CCDC66: variants seen among roughly 807,000 people sequenced by gnomAD.
CCDC66 encodes coiled-coil domain containing 66.
A neutral mutation model predicts 128.3 loss-of-function variants in CCDC66; 133 were observed. That is an observed-to-expected ratio of 1.04 (90% CI 0.90 to 1.20). The LOEUF (loss-of-function observed/expected upper bound fraction) is 1.20, where lower values mean the gene tolerates loss of function less well. CCDC66 is among the 50% of genes most tolerant of loss of function. The probability of loss-of-function intolerance (pLI) is 0.00; values close to 1 mark genes in which losing one functional copy is unlikely to be tolerated. For synonymous variants in CCDC66, 387 were observed against 357.0 expected (o/e 1.08, Z -0.95); for missense variants, 1,126 against 1,075.5 (o/e 1.05, Z -0.66).
chr3:56,604,315 C>T (rs1402388751), intron 10 of CCDC66, among the ~76,000 whole-genome samples: 3 of 151,968 alleles, frequency 2.0e-5, no homozygotes, highest in Admixed American at 2.0e-4. Context: ...TTGATCCTGT[C>T]ATTATGATGC....
At chr3:56,582,535 C>T (rs1324129006) in intron 7 of CCDC66, among the ~76,000 whole-genome samples, 16 of 151,548 alleles carry the variant, frequency 1.1e-4, no homozygotes, top group Non-Finnish European at 1.6e-4. Context: ...GAACCTCCTC[C>T]GGAATTTTTT....
In CCDC66 at chr3:56,563,872, A is replaced by G; in HGVS notation, c.291A>G (p.Lys97=). The change falls in exon 4 of 18, where the codon AAA becomes AAG. Residue 97 remains lysine, a synonymous_variant. Transcript: ENST00000394672. ...MTFSSTKDLC[K]QCIDKDCLHI... The stretch of plus-strand genomic sequence containing the variant: ...TTTCATCCACTAAGGATTTATGTAA[A>G]CAATGTATAGATAAAGACTGTCTTC... 6.2e-7 allele frequency: 1 copy of G among 1,603,796 alleles called. No individual in the cohort carries two copies. The highest frequency in any genetic ancestry group is 8.5e-7 in the Non-Finnish European group (1 of 1,174,036).
chr3:56,621,615 T>C lies in CCDC66; in HGVS notation c.2844T>C (p.Phe948=). 6.3e-7 allele frequency: 1 copy of C among 1,594,216 alleles called. No homozygotes were observed. The highest frequency in any genetic ancestry group is 8.5e-7 in the Non-Finnish European group (1 of 1,169,696). Reference sequence around the variant, plus strand: ...AAGAAGAGAGTTTTGGTTCTTCATTTTAAATGTAGAAAATCAAATCCTTCA... The same window carrying C: ...AAGAAGAGAGTTTTGGTTCTTCATTCTAAATGTAGAAAATCAAATCCTTCA... ...ENQEESFGSS[F] is the part of the protein sequence containing the mutation. The change falls in exon 18 of 18, where the codon TTT becomes TTC. Residue 948 remains phenylalanine (F), a synonymous_variant. Transcript: ENST00000394672.
intron 10 of CCDC66, among the ~76,000 whole-genome samples, chr3:56,608,448 A>G (rs529986281): frequency 1.3e-5 from 2 of 152,016 alleles, no homozygotes; most frequent in Non-Finnish European, 1.5e-5. Flanking sequence ...GATCTTTTGT[A>G]TTTCAGTGGT....
chr3:56,600,474 A>C (rs1196310711), intron 10 of CCDC66, among the ~76,000 whole-genome samples: 1 of 152,114 alleles, frequency 6.6e-6, no homozygotes, highest in South Asian at 2.1e-4. Flanking sequence ...AGAATGATTT[A>C]TAATCCCTTC....
In CCDC66 at chr3:56,613,767, T is replaced by C; in HGVS notation, c.1566+17T>C. ...CAAAAGGAAGTAGGTACTTACATTC[T>C]AATTGTAACTTTGGTTTTTGTTTGT... On this transcript the variant is annotated intron_variant, in intron 11 of 17. Coordinates refer to ENST00000394672, the MANE Select transcript of CCDC66 (RefSeq NM_001141947.3). 1 of 1,592,692 alleles carries C rather than the reference T, an allele frequency of 6.3e-7. No individual in the cohort carries two copies. Among genetic ancestry groups the C allele is most frequent in the Non-Finnish European group, 8.6e-7 (1 of 1,168,610 alleles).
chr3:56,564,039 C>T lies in CCDC66; in HGVS notation c.458C>T (p.Thr153Ile), dbSNP rs2065464569. 1.2e-6 allele frequency: 2 copies of T among 1,613,872 alleles called. No individual in the cohort carries two copies. The highest frequency in any genetic ancestry group is 1.3e-5 in the African/African-American group (1 of 74,936). Reference protein sequence around the residue: ...ENMKSSLVCLTQDQLQQILMT... With the variant: ...ENMKSSLVCLIQDQLQQILMT... The stretch of plus-strand genomic sequence containing the variant: ...ATGAAGAGCAGTTTGGTGTGTCTAA[C>T]ACAAGACCAACTACAACAGATTTTG... Residue 153 changes from threonine to isoleucine, a missense_variant, in exon 4 of 18, where the codon ACA becomes ATA. Thr to Ile is a moderately conservative substitution (Grantham distance 89, BLOSUM62 -1). Transcript: ENST00000394672.
chr3:56,598,421 G>C (rs537241764), intron 10 of CCDC66, among the ~76,000 whole-genome samples: 26 of 151,322 alleles, frequency 1.7e-4, no homozygotes, highest in African/African-American at 6.1e-4. Context: ...TATCTTGCCT[G>C]GTTGCTCTGG....
intron 10 of CCDC66, among the ~76,000 whole-genome samples, chr3:56,600,910 G>A (rs1321533789): frequency 6.6e-6 from 1 of 151,872 alleles, no homozygotes; most frequent in Admixed American, 6.6e-5. Flanking sequence ...TGCAGAAATT[G>A]TCTGCCATTC....
At chr3:56,568,687 T>C (rs891383661) in intron 6 of CCDC66, among the ~76,000 whole-genome samples, 3 of 152,234 alleles carry the variant, frequency 2.0e-5, no homozygotes, top group African/African-American at 4.8e-5. Flanking sequence ...TAAAAACTAA[T>C]TGATTTCACT....
intron 7 of CCDC66, among the ~76,000 whole-genome samples, chr3:56,571,748 T>A (rs1248729485): frequency 2.0e-5 from 3 of 152,126 alleles, no homozygotes; most frequent in Non-Finnish European, 4.4e-5. Context: ...AAACAGGGTC[T>A]TGCTCTGTTG....
At chr3:56,606,334 C>A (rs2074064507) in intron 10 of CCDC66, among the ~76,000 whole-genome samples, 1 of 152,064 alleles carries the variant, frequency 6.6e-6, no homozygotes, top group Non-Finnish European at 1.5e-5. Flanking sequence ...GGAAAAAAAA[C>A]TCCTACAGTT....
intron 10 of CCDC66, among the ~76,000 whole-genome samples, chr3:56,599,377 C>T (rs566610945): frequency 6.6e-6 from 1 of 151,784 alleles, no homozygotes; most frequent in South Asian, 2.1e-4. Context: ...TTCTTTGATC[C>T]TTTGTATTGT....
intron 6 of CCDC66, chr3:56,570,298 G>T (rs2066451427): frequency 6.6e-6 from 1 of 152,054 alleles, no homozygotes; most frequent in African/African-American, 2.4e-5. Context: ...GGTTAGTTTT[G>T]ACTATATCTC....
intron 3 of CCDC66, chr3:56,560,712 T>G: frequency 2.7e-6 from 1 of 364,830 alleles, no homozygotes; most frequent in South Asian, 2.2e-5. Flanking sequence ...AGAGCGAAAT[T>G]CCTTCTCAAA....
chr3:56,597,564 GT>G (rs1406151393), intron 10 of CCDC66, among the ~76,000 whole-genome samples: 2 of 151,798 alleles, frequency 1.3e-5, no homozygotes, highest in African/African-American at 4.8e-5. Flanking sequence ...CTGTTTTGTA[GT>G]TTTTTATGTA....
At chr3:56,557,429 C>G (rs547067796) in intron 1 of CCDC66, among the ~76,000 whole-genome samples, 176 bp downstream of exon 1, 1 of 152,036 alleles carries the variant, frequency 6.6e-6, no homozygotes, top group African/African-American at 2.4e-5. Flanking sequence ...ATGGGTCGGC[C>G]CTTAGCGACT....
intron 12 of CCDC66, 49 bp downstream of exon 12, chr3:56,615,321 T>C: frequency 1.3e-6 from 2 of 1,528,586 alleles, no homozygotes; most frequent in Non-Finnish European, 1.8e-6. Context: ...GAAGATGATT[T>C]TAAATAATTC....
chr3:56,616,177 C>A (rs2075481310), intron 13 of CCDC66, 124 bp downstream of exon 13: 1 of 795,758 alleles, frequency 1.3e-6, no homozygotes, highest in Non-Finnish European at 2.0e-6. Flanking sequence ...GTAAGAGTTA[C>A]AAAATAAAGG....
Sources: allele counts gnomAD v4.1 joint callset (sites outside exome capture counted in the v4.1 genomes callset), GRCh38; gene constraint gnomAD v4.1.1; transcripts MANE v1.5; gene names NCBI Gene and HGNC (gene_info 2026-07-23, HGNC 2026-07-21).